The following FBXL13 variants were observed in gnomAD, a reference collection of about 807,000 sequenced individuals.
FBXL13 encodes F-box and leucine-rich repeat protein 13.
In FBXL13, 67 loss-of-function variants were observed where a neutral mutation model predicts 83.6. The ratio of observed to expected loss-of-function variants is 0.80; its 90% CI spans 0.66 to 0.98. FBXL13 has a LOEUF of 0.98. FBXL13 is among the 50% of genes least tolerant of loss of function. The pLI, the probability that FBXL13 is intolerant of heterozygous loss-of-function variation, is 0.00. For synonymous variants in FBXL13, 272 were observed against 299.5 expected, an observed-to-expected ratio of 0.91 and a Z score of 0.95; for missense variants, 822 against 866.5, an observed-to-expected ratio of 0.95 and a Z score of 0.64.
intron 11 of FBXL13, among the ~76,000 whole-genome samples, chr7:102,901,287 C>G (rs981638979): frequency 1.3e-5 from 2 of 152,034 alleles, no homozygotes; most frequent in Non-Finnish European, 2.9e-5. Flanking sequence ...TTTGTGGGTA[C>G]ATAGTAGGTG....
chr7:102,906,039 G>C (rs998029388), intron 11 of FBXL13, among the ~76,000 whole-genome samples: 2 of 152,232 alleles, frequency 1.3e-5, no homozygotes, highest in African/African-American at 4.8e-5. Context: ...GAGGCAAAAG[G>C]CACTTCTTAT....
chr7:102,827,675 C>G (rs1006884298), intron 18 of FBXL13, among the ~76,000 whole-genome samples: 3 of 152,056 alleles, frequency 2.0e-5, no homozygotes, highest in East Asian at 1.9e-4. Context: ...ATTCCTCCCC[C>G]CTCCCGCCAC....
chr7:103,001,720 G>A (rs562615769), intron 6 of FBXL13, among the ~76,000 whole-genome samples: 3 of 152,250 alleles, frequency 2.0e-5, no homozygotes, highest in African/African-American at 4.8e-5. Context: ...CCTGCCCTTG[G>A]ACATCAGACT....
At chr7:102,843,651 C>T (rs1803401244) in intron 17 of FBXL13, among the ~76,000 whole-genome samples, 1 of 152,038 alleles carries the variant, frequency 6.6e-6, no homozygotes, top group Admixed American at 6.6e-5. Flanking sequence ...TCGTGGGCAC[C>T]TGTAATCCCA....
At chr7:103,064,692 T>G (rs1231761869) in intron 1 of FBXL13, among the ~76,000 whole-genome samples, 1 of 152,228 alleles carries the variant, frequency 6.6e-6, no homozygotes, top group Non-Finnish European at 1.5e-5. Context: ...CCTCCCATCA[T>G]GAAATGGGTT....
At chr7:102,854,531 G>C (rs907235153) in intron 17 of FBXL13, among the ~76,000 whole-genome samples, 2 of 152,066 alleles carry the variant, frequency 1.3e-5, no homozygotes, top group Non-Finnish European at 2.9e-5. Flanking sequence ...TTAAAAAATA[G>C]TAAATATTTA....
chr7:102,997,341 A>G (rs1789915876), intron 6 of FBXL13, among the ~76,000 whole-genome samples: 1 of 152,212 alleles, frequency 6.6e-6, no homozygotes, highest in South Asian at 2.1e-4. Flanking sequence ...GTGATATTTT[A>G]ATATATGCAT....
At chr7:102,989,976 T>G (rs769248377) in intron 6 of FBXL13, among the ~76,000 whole-genome samples, 1 of 152,214 alleles carries the variant, frequency 6.6e-6, no homozygotes. Flanking sequence ...GAATCCAAAA[T>G]TAAGTTTCTC....
At chr7:103,015,701 G>T (rs1022666460) in intron 6 of FBXL13, among the ~76,000 whole-genome samples, 2 of 150,546 alleles carry the variant, frequency 1.3e-5, no homozygotes, top group Non-Finnish European at 2.9e-5. Flanking sequence ...GGTGGTTGAG[G>T]CATGAGAATT....
At chr7:102,905,965 A>G (rs1365386909) in intron 11 of FBXL13, among the ~76,000 whole-genome samples, 1 of 152,210 alleles carries the variant, frequency 6.6e-6, no homozygotes, top group Non-Finnish European at 1.5e-5. Context: ...GAGACTGGGA[A>G]GAAAAAGAGG....
chr7:102,920,767 C>G (rs1387991403), intron 10 of FBXL13, among the ~76,000 whole-genome samples: 2 of 152,190 alleles, frequency 1.3e-5, no homozygotes, highest in South Asian at 2.1e-4. Context: ...AACCTAAAAT[C>G]CCGCATCACA....
At position 102,963,541 on chromosome 7, in the gene FBXL13, C is replaced by G. The variant is rs931248306; in HGVS notation, c.716G>C (p.Arg239Thr). 2.5e-6 allele frequency: 4 copies of G among 1,611,012 alleles called. No individual in the cohort carries two copies. In the African/African-American group the frequency reaches 5.4e-5, roughly 22 times the overall value. The change falls in exon 8 of 20, where the codon AGA becomes ACA. Residue 239 changes from arginine (R) to threonine (T), a missense_variant. Coordinates refer to ENST00000313221, the Ensembl canonical transcript of FBXL13. ...GTAATGAACATACTTACTGACAGATCTGAAAGTTTTGGGTCGGAGAAGACA... is the reference window on the plus strand; with the variant it reads ...GTAATGAACATACTTACTGACAGATGTGAAAGTTTTGGGTCGGAGAAGACA...
At chr7:102,938,972 A>G (rs1323147964) in intron 8 of FBXL13, among the ~76,000 whole-genome samples, 1 of 152,172 alleles carries the variant, frequency 6.6e-6, no homozygotes, top group Non-Finnish European at 1.5e-5. Flanking sequence ...GCCTAGGCCT[A>G]GTGTCAGGGT....
In FBXL13 at chr7:102,952,855, G is replaced by A. The variant is rs148867096; in HGVS notation, c.724+10678C>T. ...AAAAATTAGCTGGGTGTGGTGGCAC[G>A]CACCTGTAATCCCAGCTACTCAGGA... On this transcript the variant is annotated intron_variant, in intron 8 of 19. Coordinates refer to ENST00000313221, the Ensembl canonical transcript of FBXL13. Among the ~76,000 whole-genome samples the A allele has an allele frequency of 3.1e-3, 473 of 152,004 alleles. 2 individuals are homozygous for A. The highest frequency in any genetic ancestry group is 0.011 in the African/African-American group (449 of 41,458).
chr7:103,026,322 T>A (rs1793911795), intron 5 of FBXL13, among the ~76,000 whole-genome samples: 1 of 151,724 alleles, frequency 6.6e-6, no homozygotes, highest in Non-Finnish European at 1.5e-5. Flanking sequence ...TATTCAGGGA[T>A]GTTTAGCTGA....
At chr7:103,066,152 T>C (rs78172596) in intron 1 of FBXL13, among the ~76,000 whole-genome samples, 1,672 of 152,326 alleles carry the variant, frequency 0.011, 34 homozygotes, top group African/African-American at 0.039. Context: ...AGTATTATAA[T>C]CAGCTGTCTA....
chr7:102,894,155 G>C (rs1323900854), intron 11 of FBXL13, among the ~76,000 whole-genome samples: 1 of 152,132 alleles, frequency 6.6e-6, no homozygotes, highest in East Asian at 1.9e-4. Context: ...ACAAATCCCA[G>C]GGGTGAACAA....
intron 6 of FBXL13, among the ~76,000 whole-genome samples, chr7:103,019,982 G>C (rs552812704): frequency 1.9e-4 from 29 of 152,272 alleles, no homozygotes; most frequent in African/African-American, 6.7e-4. Context: ...TATGAGGCCA[G>C]CATCATCCTG....
rs567843143 is a variant in FBXL13 at position 102,995,976 on chromosome 7, T to C, written c.496-27859A>G. ...CAAAGTGAACCTAAAACTTAGATTA[T>C]TCCAAACTCTTTGCTATTAGTTTAG... On this transcript the variant is annotated intron_variant, in intron 6 of 19. Transcript: ENST00000313221. Among the ~76,000 whole-genome samples, 13 of 152,258 alleles carry C rather than the reference T, an allele frequency of 8.5e-5. No individual in the cohort carries two copies. In the East Asian group the frequency reaches 1.9e-3, roughly 23 times the overall value.
Sources: gnomAD v4.1 joint callset for allele counts (sites outside exome capture counted in the v4.1 genomes callset) on GRCh38, gnomAD v4.1.1 for gene constraint, MANE v1.5 for transcripts, NCBI Gene and HGNC (gene_info 2026-07-23, HGNC 2026-07-21) for gene names.